CLSTN2: variants seen among roughly 807,000 people sequenced by gnomAD.
The protein encoded by CLSTN2 is calsyntenin 2, also known as calsyntenin-2.
A neutral mutation model predicts 101.2 loss-of-function variants in CLSTN2; 48 were observed. That is an observed-to-expected ratio of 0.47 (90% confidence interval 0.38 to 0.60). The LOEUF is 0.60. Among genes scored for constraint, CLSTN2 ranks in the 20% least tolerant of loss-of-function variants. The probability of loss-of-function intolerance (pLI) is 0.00; values close to 1 mark genes in which losing one functional copy is unlikely to be tolerated. For synonymous variants in CLSTN2, 481 were observed against 463.6 expected (o/e 1.04, Z -0.48); for missense variants, 1,160 against 1,238.2 (o/e 0.94, Z 0.95).
chr3:140,241,858 C>CATATATATATACAT, intron 2 of CLSTN2, among the ~76,000 whole-genome samples: 1 of 136,034 alleles, frequency 7.4e-6, no homozygotes, highest in Non-Finnish European at 1.5e-5. Flanking sequence ...TATATATACA[C>CATATATATATACAT]ATATATATAC....
chr3:140,485,685 C>T (rs1007108794), intron 8 of CLSTN2, among the ~76,000 whole-genome samples: 2 of 152,132 alleles, frequency 1.3e-5, no homozygotes, highest in African/African-American at 4.8e-5. Flanking sequence ...CTCACTGCTG[C>T]CTTGCAGTTT....
chr3:140,556,899 A>C, intron 11 of CLSTN2: 1 of 492,762 alleles, frequency 2.0e-6, no homozygotes. Flanking sequence ...ATCTTATCTA[A>C]TGCCTAGAAG....
intron 1 of CLSTN2, among the ~76,000 whole-genome samples, chr3:139,938,206 G>A (rs947546135): frequency 6.7e-6 from 1 of 150,182 alleles, no homozygotes; most frequent in Non-Finnish European, 1.5e-5. Context: ...TACTTCTTTC[G>A]TACAATTCTG....
At chr3:140,206,370 G>A (rs553362554) in intron 2 of CLSTN2, among the ~76,000 whole-genome samples, 4 of 152,330 alleles carry the variant, frequency 2.6e-5, no homozygotes, top group Admixed American at 1.3e-4. Context: ...TAGCTTGAGG[G>A]CAGAGGCCAA....
chr3:139,981,231 C>T (rs375785318), intron 1 of CLSTN2, among the ~76,000 whole-genome samples: 7 of 152,200 alleles, frequency 4.6e-5, no homozygotes, highest in Admixed American at 2.6e-4. Flanking sequence ...AGCCACCCAC[C>T]CCCGAATTGC....
chr3:140,353,597 G>C (rs1020376491), intron 2 of CLSTN2, among the ~76,000 whole-genome samples: 1 of 151,930 alleles, frequency 6.6e-6, no homozygotes, highest in Non-Finnish European at 1.5e-5. Context: ...TCAATACTTC[G>C]CATCCTTCAA....
At chr3:140,070,608 AT>A (rs144727259) in intron 1 of CLSTN2, among the ~76,000 whole-genome samples, 2,510 of 150,698 alleles carry the variant, frequency 0.017, 28 homozygotes, top group Middle Eastern at 0.037. Context: ...GGATGGCCAG[AT>A]TTGATACTTA....
rs540818814 is a variant in CLSTN2, at chr3:140,037,489, T to A, written c.109+102006T>A. 2.6e-5 allele frequency among the ~76,000 whole-genome samples: 4 copies of A among 152,270 alleles called. No homozygotes were observed. In the South Asian group the frequency reaches 8.3e-4, roughly 32 times the overall value. Reference sequence around the variant, plus strand: ...CTCGTATTTAAAAAAATAATCTGGATGATGTTATGTAGTTTTTTGTTTGTT... The same window carrying A: ...CTCGTATTTAAAAAAATAATCTGGAAGATGTTATGTAGTTTTTTGTTTGTT... On this transcript the variant is annotated intron_variant, in intron 1 of 16. Transcript: ENST00000458420.
At chr3:140,119,142 G>A (rs752559712) in intron 1 of CLSTN2, among the ~76,000 whole-genome samples, 6 of 152,126 alleles carry the variant, frequency 3.9e-5, no homozygotes, top group Non-Finnish European at 7.4e-5. Context: ...ATTGTAACAG[G>A]TCATGATCAT....
At chr3:140,528,260 G>A (rs349533) in intron 8 of CLSTN2, among the ~76,000 whole-genome samples, 8 of 151,860 alleles carry the variant, frequency 5.3e-5, no homozygotes, top group African/African-American at 7.3e-5. Context: ...ACTATCACCC[G>A]CTTCTCCCAC....
chr3:140,085,709 GC>G (rs1358713606), intron 1 of CLSTN2, among the ~76,000 whole-genome samples: 1 of 152,146 alleles, frequency 6.6e-6, no homozygotes, highest in East Asian at 1.9e-4. Context: ...TCCATTGTTG[GC>G]CCCAGGATCT....
At chr3:140,483,617 C>G (rs1355198761) in intron 8 of CLSTN2, among the ~76,000 whole-genome samples, 11 of 152,056 alleles carry the variant, frequency 7.2e-5, no homozygotes, top group Non-Finnish European at 1.3e-4. Flanking sequence ...CTTTATGAAT[C>G]TGGGTGCTCC....
intron 2 of CLSTN2, among the ~76,000 whole-genome samples, chr3:140,232,806 A>G (rs1234893341): frequency 6.6e-6 from 1 of 152,134 alleles, no homozygotes; most frequent in Non-Finnish European, 1.5e-5. Context: ...TGACATCTCA[A>G]TATTGATCAG....
At chr3:140,068,410 A>G (rs1455778689) in intron 1 of CLSTN2, among the ~76,000 whole-genome samples, 1 of 152,262 alleles carries the variant, frequency 6.6e-6, no homozygotes, top group Non-Finnish European at 1.5e-5. Flanking sequence ...GGCACTTGGT[A>G]GATTACCCTC....
At chr3:140,438,155 A>C (rs2088707269) in intron 5 of CLSTN2, among the ~76,000 whole-genome samples, 1 of 152,124 alleles carries the variant, frequency 6.6e-6, no homozygotes, top group African/African-American at 2.4e-5. Context: ...GAGTCTATTT[A>C]CTGGGCCAAA....
At chr3:140,565,367 G>A (rs1043267323) in intron 16 of CLSTN2, among the ~76,000 whole-genome samples, 6 of 152,136 alleles carry the variant, frequency 3.9e-5, no homozygotes, top group African/African-American at 1.4e-4. Context: ...GCCAAGCAAG[G>A]AGAAACAACT....
In CLSTN2 at chr3:140,166,737, G is replaced by A. The variant is rs547006670; in HGVS notation, c.110-9214G>A. Among the ~76,000 whole-genome samples, 15 of 152,274 alleles carry A rather than the reference G, an allele frequency of 9.9e-5. No individual in the cohort carries two copies. In the South Asian group the frequency reaches 2.5e-3, roughly 25 times the overall value. ...TAAATGGAGCAGAAATATCACACTG[G>A]TGTTTCCTCTGCATGAGTGCAAAGA... On this transcript the variant is annotated intron_variant, in intron 1 of 16. Coordinates refer to ENST00000458420, the MANE Select transcript of CLSTN2 (RefSeq NM_022131.3).
intron 2 of CLSTN2, among the ~76,000 whole-genome samples, chr3:140,383,294 A>G (rs1327453213): frequency 6.6e-6 from 1 of 152,188 alleles, no homozygotes; most frequent in Non-Finnish European, 1.5e-5. Flanking sequence ...ATGTGGTCAT[A>G]TTTCTTTACC....
intron 4 of CLSTN2, among the ~76,000 whole-genome samples, chr3:140,405,187 G>T (rs954202668): frequency 1.3e-5 from 2 of 152,080 alleles, no homozygotes; most frequent in East Asian, 1.9e-4. Context: ...GCTAACAGAG[G>T]AGGTGGGACT....
Sources: gnomAD v4.1 joint callset for allele counts (sites outside exome capture counted in the v4.1 genomes callset) on GRCh38, gnomAD v4.1.1 for gene constraint, MANE v1.5 for transcripts, NCBI Gene and HGNC (gene_info 2026-07-23, HGNC 2026-07-21) for gene names.